Variants in PHF21B observed in about 807,000 individuals in gnomAD.
PHF21B encodes the protein PHD finger protein 21B, also known as PHD finger protein 4.
A neutral mutation model predicts 62.2 loss-of-function variants in PHF21B; 22 were observed. That is an observed-to-expected ratio of 0.35 (90% CI 0.25 to 0.51). PHF21B has a LOEUF of 0.51. PHF21B is among the 20% of genes least tolerant of loss of function. The pLI, the probability that PHF21B is intolerant of heterozygous loss-of-function variation, is 0.97. For missense variants in PHF21B, 701 were observed against 707.9 expected (o/e 0.99, Z 0.11); for synonymous variants, 341 against 314.7 (o/e 1.08, Z -0.88).
chr22:44,933,581 GGGAA>G, intron 2 of PHF21B: 1 of 975,568 alleles, frequency 1.0e-6, no homozygotes, highest in Non-Finnish European at 1.2e-6. Context: ...GGAAGTGCAC[GGGAA>G]GGTCTCGGCT....
rs551375607 is a variant in PHF21B at position 44,967,876 on chromosome 22, G to A, written c.120+40669C>T. On this transcript the variant is annotated intron_variant, in intron 2 of 12. Transcript: ENST00000313237. ...TTGATGACCTGGACAGTCTGAGGAC[G>A]GGTCAGGAATTTCGCAGAATGTCCT... Among the ~76,000 whole-genome samples the A allele has an allele frequency of 1.8e-3, 274 of 152,292 alleles. 9 individuals are homozygous for A. The South Asian group carries it at 0.047, about 26-fold the overall frequency.
rs899974536 is a variant in PHF21B at position 44,987,331 on chromosome 22, C to T, written c.120+21214G>A. Among the ~76,000 whole-genome samples the T allele has an allele frequency of 7.9e-5, 12 of 151,992 alleles. 1 individual carries two copies. The highest frequency in any genetic ancestry group is 1.3e-4 in the Non-Finnish European group (9 of 67,992). ...TGAGAAGGAAGGCCAGTGGGACCCC[C>T]GGGGAGACCAATGTTTCTGAAGCCA... On this transcript the variant is annotated intron_variant, in intron 2 of 12. Coordinates refer to ENST00000313237, the MANE Select transcript of PHF21B (RefSeq NM_138415.5).
At chr22:44,916,941 T>C (rs2071446868) in intron 3 of PHF21B, among the ~76,000 whole-genome samples, 2 of 152,184 alleles carry the variant, frequency 1.3e-5, no homozygotes, top group African/African-American at 4.8e-5. Flanking sequence ...GAGGGGACAG[T>C]CTGTGCAGTG....
At chr22:44,976,871 G>A (rs1475675440) in intron 2 of PHF21B, among the ~76,000 whole-genome samples, 1 of 152,218 alleles carries the variant, frequency 6.6e-6, no homozygotes, top group African/African-American at 2.4e-5. Flanking sequence ...CCGGGCGGGG[G>A]CTCACAATGC....
intron 2 of PHF21B, among the ~76,000 whole-genome samples, chr22:44,942,681 C>T (rs2071982363): frequency 6.6e-6 from 1 of 152,166 alleles, no homozygotes; most frequent in Non-Finnish European, 1.5e-5. Flanking sequence ...CACAGCTCAC[C>T]CACAGCCTGG....
intron 5 of PHF21B, among the ~76,000 whole-genome samples, chr22:44,907,520 A>G (rs1055949573): frequency 6.6e-6 from 1 of 152,176 alleles, no homozygotes; most frequent in Non-Finnish European, 1.5e-5. Flanking sequence ...GCTTAGGATC[A>G]TGAGAGACTT....
intron 5 of PHF21B, chr22:44,902,443 C>CTAAT (rs2071176595): frequency 5.1e-6 from 1 of 197,204 alleles, no homozygotes; most frequent in Admixed American, 5.4e-5. Context: ...TCTTAAGAAC[C>CTAAT]TAATAAAGGA....
chr22:44,912,790 G>C (rs1478965663), intron 5 of PHF21B, among the ~76,000 whole-genome samples: 1 of 146,710 alleles, frequency 6.8e-6, no homozygotes, highest in East Asian at 2.0e-4. Context: ...GAGGTGGGAG[G>C]ATCACTTGAG....
intron 2 of PHF21B, among the ~76,000 whole-genome samples, chr22:44,946,240 G>C (rs925640836): frequency 1.4e-5 from 2 of 146,878 alleles, no homozygotes; most frequent in Non-Finnish European, 2.9e-5. Flanking sequence ...GGTGGGGAGG[G>C]ATGCCAGAGA....
intron 5 of PHF21B, among the ~76,000 whole-genome samples, chr22:44,902,745 G>A (rs1274145665): frequency 1.3e-5 from 2 of 151,314 alleles, no homozygotes; most frequent in Non-Finnish European, 2.9e-5. Context: ...AATCACAGCA[G>A]GATATCAATT....
At chr22:44,999,151 T>C (rs1017204982) in intron 2 of PHF21B, among the ~76,000 whole-genome samples, 1 of 152,066 alleles carries the variant, frequency 6.6e-6, no homozygotes, top group Non-Finnish European at 1.5e-5. Flanking sequence ...CACCAGCAAT[T>C]TCTCCCCACA....
chr22:45,004,496 T>G (rs747770840), intron 2 of PHF21B, among the ~76,000 whole-genome samples: 1 of 152,246 alleles, frequency 6.6e-6, no homozygotes, highest in African/African-American at 2.4e-5. Context: ...CTAGCAGTAT[T>G]AAGTGTGGAG....
rs980245795 is a variant in PHF21B at position 45,009,217 on chromosome 22, T to TC, written c.54+278dup. ...ACGAAGGGGCCCCCTCCAGGCACCC[T>TC]CCCAGTCATGCAGACCCTACATCGC... On this transcript the variant is annotated intron_variant, in intron 1 of 12. Coordinates refer to ENST00000313237, the MANE Select transcript of PHF21B (RefSeq NM_138415.5). The surrounding 1 kb of genome is among the most constrained non-coding windows in gnomAD (Gnocchi z 5.9). 293 of 422,494 alleles carry TC rather than the reference T, an allele frequency of 6.9e-4. No individual in the cohort carries two copies. Among genetic ancestry groups the TC allele is most frequent in the African/African-American group, 5.1e-3 (242 of 47,864 alleles). The allele number at this position is 422,494 out of a possible 1,614,324, so 26.2% of individuals were successfully genotyped here. A position where few individuals can be genotyped will look rare whatever the true frequency, so the allele number is the denominator to read the frequency against.
chr22:44,903,049 C>T (rs2071188600), intron 5 of PHF21B, among the ~76,000 whole-genome samples: 1 of 152,222 alleles, frequency 6.6e-6, no homozygotes, highest in Non-Finnish European at 1.5e-5. Context: ...AGCATTTCTG[C>T]CACCTTCCCT....
intron 3 of PHF21B, among the ~76,000 whole-genome samples, chr22:44,917,481 G>C (rs1312753755): frequency 1.3e-5 from 2 of 152,130 alleles, no homozygotes; most frequent in Non-Finnish European, 2.9e-5. Context: ...CCCCAGATGA[G>C]GACACACCAA....
chr22:44,885,430 A>C lies in PHF21B; in HGVS notation c.1373T>G (p.Val458Gly), dbSNP rs1011637495. ...EERDRRLASA[V>G]QKCLELKTSL... ...CCCCCAGGCCCCGGGGCACACCTGC[A>C]CTGCTGACGCCAGCCGCCGGTCCCG... The change falls in exon 12 of 13, where the codon GTG (valine) becomes GGG (glycine). Residue 458 changes from valine (V) to glycine (G), a missense_variant. Transcript: ENST00000313237. 1 of 1,576,354 alleles carries C rather than the reference A, an allele frequency of 6.3e-7. No homozygotes were observed. The highest frequency in any genetic ancestry group is 1.3e-5 in the African/African-American group (1 of 74,276).
At chr22:44,988,279 C>G (rs1185453270) in intron 2 of PHF21B, among the ~76,000 whole-genome samples, 2 of 152,128 alleles carry the variant, frequency 1.3e-5, no homozygotes, top group Non-Finnish European at 2.9e-5. Flanking sequence ...ATGACCTGGG[C>G]ATCATAGTGA....
At chr22:44,893,805 G>C (rs762895752) in intron 6 of PHF21B, among the ~76,000 whole-genome samples, 1 of 152,252 alleles carries the variant, frequency 6.6e-6, no homozygotes, top group African/African-American at 2.4e-5. Flanking sequence ...TTAGCACGGG[G>C]TCCTCCTTTT....
chr22:44,963,706 T>C (rs2072469757), intron 2 of PHF21B, among the ~76,000 whole-genome samples: 1 of 152,188 alleles, frequency 6.6e-6, no homozygotes, highest in Admixed American at 6.5e-5. Context: ...CTGAGTCCCA[T>C]GCCAGGCCCA....
Sources: allele counts gnomAD v4.1 joint callset (sites outside exome capture counted in the v4.1 genomes callset), GRCh38; gene constraint gnomAD v4.1.1; non-coding constraint Gnocchi (gnomAD v3.1); transcripts MANE v1.5; gene names NCBI Gene and HGNC (gene_info 2026-07-23, HGNC 2026-07-21).